GABRB2: variants seen among roughly 807,000 people sequenced by gnomAD.
GABRB2 encodes gamma-aminobutyric acid type A receptor subunit beta2, also known as gamma-aminobutyric acid receptor subunit beta-2.
Under a neutral mutation model 54.7 loss-of-function variants are expected in GABRB2, and 16 were observed. That is an observed-to-expected ratio of 0.29 (90% CI 0.20 to 0.44). The LOEUF is 0.44. Among genes scored for constraint, GABRB2 ranks in the 20% least tolerant of loss-of-function variants. GABRB2 has a pLI of 1.00. For synonymous variants in GABRB2, 244 were observed against 233.8 expected (o/e 1.04, Z -0.40); for missense variants, 355 against 644.0 (o/e 0.55, Z 4.86).
chr5:161,547,137 G>C (rs1761012500), upstream of GABRB2: 1 of 150,430 alleles, frequency 6.6e-6, no homozygotes, highest in African/African-American at 2.5e-5. Flanking sequence ...CGGACACGGG[G>C]CAAGGAGTTT....
intron 3 of GABRB2, among the ~76,000 whole-genome samples, chr5:161,497,287 C>A (rs1182839386): frequency 1.3e-5 from 2 of 152,092 alleles, no homozygotes; most frequent in Non-Finnish European, 2.9e-5. Flanking sequence ...CTCTCCCAAA[C>A]CCTGATCTTT....
upstream of GABRB2, among the ~76,000 whole-genome samples, chr5:161,548,386 C>T (rs1370966186): frequency 1.3e-5 from 2 of 152,190 alleles, no homozygotes; most frequent in Admixed American, 6.5e-5. Context: ...CCGGGTACTC[C>T]TGAGTTTATC....
intron 6 of GABRB2, among the ~76,000 whole-genome samples, chr5:161,335,115 A>G (rs1753953897): frequency 6.6e-6 from 1 of 152,146 alleles, no homozygotes; most frequent in South Asian, 2.1e-4. Flanking sequence ...CCAGTAATTA[A>G]AAGAATTCCA....
chr5:161,354,271 G>A (rs1360050726), intron 5 of GABRB2, among the ~76,000 whole-genome samples: 1 of 152,020 alleles, frequency 6.6e-6, no homozygotes, highest in Non-Finnish European at 1.5e-5. Context: ...TGCATAGAGT[G>A]AAACTCTGCT....
At chr5:161,391,513 CA>C (rs1426057861) in intron 5 of GABRB2, among the ~76,000 whole-genome samples, 1 of 152,020 alleles carries the variant, frequency 6.6e-6, no homozygotes, top group African/African-American at 2.4e-5. Flanking sequence ...AAATATTTCA[CA>C]GTGGAATAAG....
At chr5:161,300,008 A>G (rs1044964481) in intron 9 of GABRB2, among the ~76,000 whole-genome samples, 1 of 152,206 alleles carries the variant, frequency 6.6e-6, no homozygotes, top group African/African-American at 2.4e-5. Context: ...GCTAAATTTT[A>G]GTGGCTGACT....
At chr5:161,344,088 T>C (rs996533257) in intron 5 of GABRB2, among the ~76,000 whole-genome samples, 2 of 152,126 alleles carry the variant, frequency 1.3e-5, no homozygotes, top group African/African-American at 4.8e-5. Flanking sequence ...ATTTGCCATG[T>C]GGTAAGTGTC....
At chr5:161,514,557 C>G (rs182233852) in intron 3 of GABRB2, among the ~76,000 whole-genome samples, 213 of 152,080 alleles carry the variant, frequency 1.4e-3, no homozygotes, top group African/African-American at 4.1e-3. Context: ...TGCCTTTTCT[C>G]TATCCCTAAA....
chr5:161,317,711 AT>A (rs1287596951), intron 9 of GABRB2, among the ~76,000 whole-genome samples: 1 of 152,108 alleles, frequency 6.6e-6, no homozygotes, highest in Non-Finnish European at 1.5e-5. Flanking sequence ...TTGGGGAAAA[AT>A]ATCTGAAATA....
At position 161,403,748 on chromosome 5, in the gene GABRB2, G is replaced by A. The variant is rs1382152908; in HGVS notation, c.541+7227C>T. On this transcript the variant is annotated intron_variant, in intron 5 of 9. Transcript: ENST00000393959. ...AAGAGTTCTTAGAAACTGAAAACGT[G>A]ACTGCCAAAACAAAATATTTACCAA... Among the ~76,000 whole-genome samples the A allele has an allele frequency of 6.6e-5, 10 of 152,150 alleles. No homozygotes were observed. The East Asian group carries it at 1.7e-3, about 26-fold the overall frequency.
At chr5:161,303,850 T>G (rs907771913) in intron 9 of GABRB2, among the ~76,000 whole-genome samples, 4 of 152,146 alleles carry the variant, frequency 2.6e-5, no homozygotes, top group Non-Finnish European at 5.9e-5. Flanking sequence ...CAGTGTTCTT[T>G]ATTTAGATGG....
At chr5:161,370,760 G>C (rs952405715) in intron 5 of GABRB2, among the ~76,000 whole-genome samples, 3 of 152,138 alleles carry the variant, frequency 2.0e-5, no homozygotes, top group African/African-American at 7.2e-5. Flanking sequence ...AAGTCAACAG[G>C]CAGAGGCCAC....
At chr5:161,351,853 A>G (rs1754480933) in intron 5 of GABRB2, among the ~76,000 whole-genome samples, 1 of 152,142 alleles carries the variant, frequency 6.6e-6, no homozygotes, top group Non-Finnish European at 1.5e-5. Flanking sequence ...ACAACTCAAT[A>G]GCAAGAAAAC....
chr5:161,360,660 T>C (rs1754782839), intron 5 of GABRB2, among the ~76,000 whole-genome samples: 1 of 152,124 alleles, frequency 6.6e-6, no homozygotes, highest in African/African-American at 2.4e-5. Flanking sequence ...GAAAGAACAA[T>C]AGAATGAGAA....
intron 3 of GABRB2, among the ~76,000 whole-genome samples, chr5:161,517,051 A>G (rs1193652874): frequency 6.6e-6 from 1 of 152,174 alleles, no homozygotes; most frequent in Non-Finnish European, 1.5e-5. Context: ...CTCTGTGACT[A>G]AGTTTTGATG....
At chr5:161,457,905 T>G (rs953338328) in intron 4 of GABRB2, among the ~76,000 whole-genome samples, 5 of 152,190 alleles carry the variant, frequency 3.3e-5, no homozygotes, top group Admixed American at 1.3e-4. Context: ...ACATGTCCTG[T>G]GCCCTAAAAA....
chr5:161,330,863 G>C lies in GABRB2; in HGVS notation c.1077+20C>G. On this transcript the variant is annotated intron_variant, in intron 8 of 9. Coordinates refer to ENST00000393959, the MANE Select transcript of GABRB2 (RefSeq NM_001371727.1). ...TTCCATGAGTTTAAGAAGCAAGGAGGGCTTGCCCTCTGAATTTACCTTGTT... is the reference window on the plus strand; with the variant it reads ...TTCCATGAGTTTAAGAAGCAAGGAGCGCTTGCCCTCTGAATTTACCTTGTT... The C allele has an allele frequency of 6.2e-7, 1 of 1,614,110 alleles. No individual in the cohort carries two copies. Among genetic ancestry groups the C allele is most frequent in the Non-Finnish European group, 8.5e-7 (1 of 1,180,002 alleles).
chr5:161,525,998 C>T (rs2113442972), intron 3 of GABRB2, among the ~76,000 whole-genome samples: 1 of 151,346 alleles, frequency 6.6e-6, no homozygotes, highest in Admixed American at 6.6e-5. Context: ...TTCTTTTCTC[C>T]TACAATTTCT....
intron 4 of GABRB2, among the ~76,000 whole-genome samples, chr5:161,423,101 T>C (rs933245932): frequency 5.3e-5 from 8 of 152,190 alleles, no homozygotes; most frequent in African/African-American, 1.7e-4. Flanking sequence ...AGTTTTTTAA[T>C]TGTAAATTAT....
Sources: allele counts gnomAD v4.1 joint callset (sites outside exome capture counted in the v4.1 genomes callset), GRCh38; gene constraint gnomAD v4.1.1; transcripts MANE v1.5; gene names NCBI Gene and HGNC (gene_info 2026-07-23, HGNC 2026-07-21).